Variants in RTN4RL1 observed in about 807,000 individuals in gnomAD.
The protein encoded by RTN4RL1 is reticulon-4 receptor-like 1.
In RTN4RL1, 7 loss-of-function variants were observed where a neutral mutation model predicts 25.6. The ratio of observed to expected loss-of-function variants is 0.27; its 90% CI spans 0.16 to 0.51. The LOEUF (loss-of-function observed/expected upper bound fraction) is 0.51. Among genes scored for constraint, RTN4RL1 ranks in the 20% least tolerant of loss-of-function variants. The probability of loss-of-function intolerance (pLI) is 0.97; values close to 1 mark genes in which losing one functional copy is unlikely to be tolerated. For missense variants in RTN4RL1, 500 were observed against 615.6 expected, an observed-to-expected ratio of 0.81 and a Z score of 1.99; for synonymous variants, 297 against 288.2, an observed-to-expected ratio of 1.03 and a Z score of -0.31.
intron 1 of RTN4RL1, among the ~76,000 whole-genome samples, chr17:2,012,157 T>C (rs10852907): frequency 0.35 from 52,855 of 152,146 alleles, 9,532 homozygotes; most frequent in East Asian, 0.55. Flanking sequence ...AGAGTGTCCA[T>C]GAGAGGTTTC....
At chr17:1,978,238 A>G (rs2066851874) in intron 1 of RTN4RL1, among the ~76,000 whole-genome samples, 1 of 152,166 alleles carries the variant, frequency 6.6e-6, no homozygotes. Flanking sequence ...CCTTGAAATC[A>G]GTGGCCAAGA....
At position 2,007,337 on chromosome 17, in the gene RTN4RL1, A is replaced by AACACACACACACACACAC. The variant is rs34669886; in HGVS notation, c.13+17498_13+17515dup. 3.9e-3 allele frequency among the ~76,000 whole-genome samples: 550 copies of AACACACACACACACACAC among 140,392 alleles called. 4 individuals are homozygous for AACACACACACACACACAC. The highest frequency in any genetic ancestry group is 8.0e-3 in the African/African-American group (297 of 36,930). 92.1% of individuals were successfully genotyped at this position (140,392 alleles called of 152,430 possible). The stretch of plus-strand genomic sequence containing the variant: ...AGACCTAGGCCATGTTCACAGCCCC[A>AACACACACACACACACAC]ACACACACACACACACACACACACA... On this transcript the variant is annotated intron_variant, in intron 1 of 1. Coordinates refer to ENST00000331238, the MANE Select transcript of RTN4RL1 (RefSeq NM_178568.4).
Position 1,966,612 on chromosome 17 carries a change from G to C in RTN4RL1, c.14-28804C>G, listed in dbSNP as rs933911571. ...GCTGGGGAAGGGCAGTCTCTGTCTT[G>C]GGGTTCCCTGTCTGTGTGGCCCGAA... On this transcript the variant is annotated intron_variant, in intron 1 of 1. Transcript: ENST00000331238. 9.9e-5 allele frequency among the ~76,000 whole-genome samples: 15 copies of C among 152,082 alleles called. 1 individual carries two copies. The highest frequency in any genetic ancestry group is 7.2e-4 in the Admixed American group (11 of 15,266).
intron 1 of RTN4RL1, among the ~76,000 whole-genome samples, chr17:1,965,742 C>A (rs1256172673): frequency 6.6e-6 from 1 of 152,216 alleles, no homozygotes; most frequent in Admixed American, 6.5e-5. Flanking sequence ...CCGCCAGGCC[C>A]CCACTGCCCT....
intron 1 of RTN4RL1, among the ~76,000 whole-genome samples, chr17:2,021,551 C>CTTTTTT (rs767770637): frequency 6.6e-5 from 7 of 106,188 alleles, no homozygotes; most frequent in East Asian, 3.2e-4. Flanking sequence ...CATCCTATAC[C>CTTTTTT]TTTTTTTTTT....
At chr17:1,942,374 C>T (rs1226003157) in intron 1 of RTN4RL1, among the ~76,000 whole-genome samples, 3 of 150,806 alleles carry the variant, frequency 2.0e-5, no homozygotes, top group African/African-American at 4.9e-5. Flanking sequence ...TGGGGGGATA[C>T]GGAGGATCCT....
chr17:1,948,590 C>T lies in RTN4RL1; in HGVS notation c.14-10782G>A, dbSNP rs560915749. ...ACACAGGCAGACAGGCGGACACAGG[C>T]GGACGGGCAGACACAGGTGGACGGG... On this transcript the variant is annotated intron_variant, in intron 1 of 1. Coordinates refer to ENST00000331238, the MANE Select transcript of RTN4RL1 (RefSeq NM_178568.4). 4.2e-4 allele frequency among the ~76,000 whole-genome samples: 64 copies of T among 152,208 alleles called. 1 individual carries two copies. In the South Asian group the frequency reaches 9.5e-3, roughly 23 times the overall value.
intron 1 of RTN4RL1, among the ~76,000 whole-genome samples, chr17:1,982,342 G>A (rs968269252): frequency 9.9e-5 from 15 of 151,694 alleles, no homozygotes; most frequent in South Asian, 2.1e-4. Context: ...GCCGGGCGAG[G>A]TGCCTCGCGC....
chr17:1,981,620 G>A (rs984138933), intron 1 of RTN4RL1, among the ~76,000 whole-genome samples: 3 of 152,284 alleles, frequency 2.0e-5, no homozygotes, highest in Admixed American at 1.3e-4. Flanking sequence ...AGCCTCACAC[G>A]AGTCACTGCC....
intron 1 of RTN4RL1, among the ~76,000 whole-genome samples, chr17:1,946,642 CTG>C (rs1330892769): frequency 1.5e-5 from 2 of 136,266 alleles, no homozygotes; most frequent in East Asian, 2.3e-4. Flanking sequence ...CTGTGCATCT[CTG>C]TGTGAATATG....
chr17:1,941,221 C>A (rs1419602357), intron 1 of RTN4RL1, among the ~76,000 whole-genome samples: 1 of 152,182 alleles, frequency 6.6e-6, no homozygotes, highest in African/African-American at 2.4e-5. Context: ...AGAGACATTT[C>A]CCCGTCAGAC....
At chr17:1,980,501 A>C (rs2066862438) in intron 1 of RTN4RL1, among the ~76,000 whole-genome samples, 1 of 152,120 alleles carries the variant, frequency 6.6e-6, no homozygotes, top group Non-Finnish European at 1.5e-5. Context: ...ACATGCTAAC[A>C]GTGGTGCTTG....
intron 1 of RTN4RL1, among the ~76,000 whole-genome samples, chr17:1,945,535 G>C (rs1278230305): frequency 1.3e-5 from 2 of 151,888 alleles, no homozygotes; most frequent in African/African-American, 2.4e-5. Flanking sequence ...TTAAAAAATA[G>C]AGATGGGGTT....
At chr17:1,945,104 C>T (rs1468199028) in intron 1 of RTN4RL1, among the ~76,000 whole-genome samples, 2 of 152,188 alleles carry the variant, frequency 1.3e-5, no homozygotes, top group Admixed American at 1.3e-4. Flanking sequence ...GTTCCCTCTG[C>T]CTGGAGCGCT....
chr17:1,980,926 CAA>C (rs71723916), intron 1 of RTN4RL1, among the ~76,000 whole-genome samples: 26 of 87,120 alleles, frequency 3.0e-4, no homozygotes, highest in South Asian at 1.4e-3. Flanking sequence ...GATTCTATCT[CAA>C]AAAAAAAAAA....
intron 1 of RTN4RL1, among the ~76,000 whole-genome samples, chr17:1,995,355 G>A (rs1360929221): frequency 6.6e-6 from 1 of 151,918 alleles, no homozygotes; most frequent in Non-Finnish European, 1.5e-5. Flanking sequence ...AAACTCGGGA[G>A]GCGGAGGTTG....
chr17:1,966,834 T>G (rs913787061), intron 1 of RTN4RL1, among the ~76,000 whole-genome samples: 14 of 152,136 alleles, frequency 9.2e-5, no homozygotes, highest in Non-Finnish European at 2.1e-4. Context: ...ACCAAAGCTC[T>G]TCTCCACTGA....
At chr17:1,948,163 G>A (rs925385400) in intron 1 of RTN4RL1, among the ~76,000 whole-genome samples, 3 of 152,218 alleles carry the variant, frequency 2.0e-5, no homozygotes, top group Non-Finnish European at 4.4e-5. Context: ...TCCCTGCCAG[G>A]CTACGGCTGC....
At chr17:1,968,163 C>G (rs2066801157) in intron 1 of RTN4RL1, among the ~76,000 whole-genome samples, 1 of 152,182 alleles carries the variant, frequency 6.6e-6, no homozygotes, top group Non-Finnish European at 1.5e-5. Flanking sequence ...GATCTCAGCA[C>G]TCTGCCGACT....
Sources: gnomAD v4.1 joint callset for allele counts (sites outside exome capture counted in the v4.1 genomes callset) on GRCh38, gnomAD v4.1.1 for gene constraint, MANE v1.5 for transcripts, NCBI Gene and HGNC (gene_info 2026-07-23, HGNC 2026-07-21) for gene names.